DOP1A: variants seen among roughly 807,000 people sequenced by gnomAD.
The protein encoded by DOP1A is protein DOP1A.
DOP1A carries 90 observed loss-of-function variants against 267.6 expected under a neutral mutation model. The observed-to-expected ratio is 0.34, with a 90% CI of 0.28 to 0.40. DOP1A has a LOEUF of 0.40. Among genes scored for constraint, DOP1A ranks in the 10% least tolerant of loss-of-function variants. The probability of loss-of-function intolerance (pLI) is 1.00; values close to 1 mark genes in which losing one functional copy is unlikely to be tolerated. For missense variants in DOP1A, 2,437 were observed against 2,900.4 expected, an observed-to-expected ratio of 0.84 and a Z score of 3.67; for synonymous variants, 932 against 999.1, an observed-to-expected ratio of 0.93 and a Z score of 1.27.
chr6:83,145,370 C>T (rs1162846489), intron 24 of DOP1A, among the ~76,000 whole-genome samples, 154 bp from the exon 25 acceptor site: 1 of 140,158 alleles, frequency 7.1e-6, no homozygotes, highest in African/African-American at 2.7e-5. Flanking sequence ...TCATTTTGAG[C>T]ACAGGAGTTT....
At chr6:83,141,052 G>A (rs1219818821) in intron 23 of DOP1A, among the ~76,000 whole-genome samples, 1 of 152,138 alleles carries the variant, frequency 6.6e-6, no homozygotes, top group East Asian at 1.9e-4. Flanking sequence ...GTTCATTATA[G>A]TATTATTTAA....
At chr6:83,090,299 A>C (rs1770101340) in intron 1 of DOP1A, among the ~76,000 whole-genome samples, 1 of 152,194 alleles carries the variant, frequency 6.6e-6, no homozygotes, top group Non-Finnish European at 1.5e-5. Flanking sequence ...GCCCAAGGTC[A>C]TACAGCTGCT....
chr6:83,091,788 A>T (rs1224442868), intron 1 of DOP1A, among the ~76,000 whole-genome samples: 2 of 152,186 alleles, frequency 1.3e-5, no homozygotes, highest in Non-Finnish European at 2.9e-5. Flanking sequence ...TTATTCTGGA[A>T]ATCTTGCTAA....
chr6:83,076,996 G>A (rs1468136741), intron 1 of DOP1A, among the ~76,000 whole-genome samples: 1 of 152,204 alleles, frequency 6.6e-6, no homozygotes, highest in African/African-American at 2.4e-5. Flanking sequence ...ACATTATGCT[G>A]AGTGAAATAA....
intron 1 of DOP1A, among the ~76,000 whole-genome samples, chr6:83,091,804 G>GA (rs928121458): frequency 1.7e-4 from 26 of 151,838 alleles, no homozygotes; most frequent in Admixed American, 3.3e-4. Flanking sequence ...GCTAAGGAAG[G>GA]AAAAAAAATG....
At chr6:83,160,128 T>G (rs935652044) in intron 37 of DOP1A, among the ~76,000 whole-genome samples, 168 bp downstream of exon 37, 1 of 152,226 alleles carries the variant, frequency 6.6e-6, no homozygotes, top group Non-Finnish European at 1.5e-5. Context: ...AAATGGTCAA[T>G]GTGGATATAT....
chr6:83,098,957 G>T (rs527465069), intron 3 of DOP1A, among the ~76,000 whole-genome samples: 3 of 152,230 alleles, frequency 2.0e-5, no homozygotes, highest in African/African-American at 7.2e-5. Flanking sequence ...CTGAAATAGG[G>T]GTCTTTGACC....
At chr6:83,079,470 G>A (rs1582852587) in intron 1 of DOP1A, among the ~76,000 whole-genome samples, 1 of 152,110 alleles carries the variant, frequency 6.6e-6, no homozygotes, top group East Asian at 1.9e-4. Flanking sequence ...GAACACACTA[G>A]GAAGTATAGA....
At chr6:83,072,977 C>A in intron 1 of DOP1A, 1 of 375,820 alleles carries the variant, frequency 2.7e-6, no homozygotes, top group Non-Finnish European at 5.3e-6. Flanking sequence ...GAACATAGTA[C>A]AGTACTTGCT....
chr6:83,094,755 GT>G (rs1410812517), intron 1 of DOP1A, among the ~76,000 whole-genome samples: 1 of 152,016 alleles, frequency 6.6e-6, no homozygotes, highest in Non-Finnish European at 1.5e-5. Context: ...GCTTGGAAGA[GT>G]TTTTTATTAT....
At chr6:83,149,622 C>T (rs141257196) in intron 27 of DOP1A, among the ~76,000 whole-genome samples, 2,765 of 151,942 alleles carry the variant, frequency 0.018, 48 homozygotes, top group Admixed American at 0.06. Context: ...GGAGTGGGAG[C>T]GGTTGCAGGT....
At position 83,130,349 on chromosome 6, in the gene DOP1A, C is replaced by T; in HGVS notation, c.2568C>T (p.Leu856=). The T allele has an allele frequency of 1.9e-6, 3 of 1,614,060 alleles. No homozygotes were observed. Among genetic ancestry groups the T allele is most frequent in the Non-Finnish European group, 2.5e-6 (3 of 1,179,958 alleles). Residue 856 remains leucine (L), a synonymous_variant, in exon 17 of 39, where the codon CTC becomes CTT. Transcript: ENST00000349129. ...GRVAVVIRPP[L]TQGNLRYIAE... ...TAGCTGTGGTTATTAGACCTCCCCT[C>T]ACTCAGGGCAATCTGAGGTACATAG...
intron 1 of DOP1A, among the ~76,000 whole-genome samples, chr6:83,076,560 A>C (rs924284026): frequency 6.6e-6 from 1 of 152,150 alleles, no homozygotes; most frequent in Admixed American, 6.5e-5. Context: ...ATACAAATCA[A>C]AACCACAAAG....
At position 83,134,232 on chromosome 6, in the gene DOP1A, C is replaced by T; in HGVS notation, c.2815C>T (p.Leu939=). 6.2e-7 allele frequency: 1 copy of T among 1,613,034 alleles called. No homozygotes were observed. The highest frequency in any genetic ancestry group is 8.5e-7 in the Non-Finnish European group (1 of 1,179,414). Residue 939 remains leucine, a synonymous_variant, in exon 19 of 39, where the codon CTA becomes TTA. Transcript: ENST00000349129. ...AHAKFAVLWH[L]TRDLHINKSS... ...TGCCAAGTTTGCAGTTCTTTGGCAT[C>T]TAACGAGAGATCTCCATATAAATAA...
intron 11 of DOP1A, among the ~76,000 whole-genome samples, chr6:83,122,279 A>C (rs561712190): frequency 6.6e-6 from 1 of 151,986 alleles, no homozygotes; most frequent in African/African-American, 2.4e-5. Flanking sequence ...GGAGGAGGAA[A>C]TAGGTAATAG....
intron 4 of DOP1A, among the ~76,000 whole-genome samples, chr6:83,103,073 T>A (rs1317136210): frequency 6.6e-6 from 1 of 152,228 alleles, no homozygotes; most frequent in Non-Finnish European, 1.5e-5. Flanking sequence ...TATTCTATTG[T>A]GATGTGTTTT....
intron 12 of DOP1A, 126 bp from the exon 13 acceptor site, chr6:83,124,579 C>G: frequency 2.7e-6 from 2 of 740,950 alleles, no homozygotes; most frequent in Non-Finnish European, 4.6e-6. Flanking sequence ...TAAAATATGT[C>G]ATCACAAAAA....
Position 83,125,497 on chromosome 6 carries a change from C to T in DOP1A, c.1486-3C>T, listed in dbSNP as rs1777026925. On this transcript the variant is annotated splice_region_variant and splice_polypyrimidine_tract_variant and intron_variant, in intron 14 of 38. Coordinates refer to ENST00000349129, the MANE Select transcript of DOP1A (RefSeq NM_015018.4). ...ACTTTTTTCATTTCACTTTTATTTT[C>T]AGGAGACTTACATTGAAATCCAGAC... The T allele has an allele frequency of 1.2e-6, 2 of 1,611,012 alleles. No individual in the cohort carries two copies. Among genetic ancestry groups the T allele is most frequent in the East Asian group, 2.2e-5 (1 of 44,836 alleles).
At chr6:83,074,742 C>T (rs1766749038) in intron 1 of DOP1A, among the ~76,000 whole-genome samples, 1 of 152,210 alleles carries the variant, frequency 6.6e-6, no homozygotes, top group African/African-American at 2.4e-5. Flanking sequence ...CGTGAATGTA[C>T]TTAACACTAC....
Sources: allele counts gnomAD v4.1 joint callset (sites outside exome capture counted in the v4.1 genomes callset), GRCh38; gene constraint gnomAD v4.1.1; transcripts MANE v1.5; gene names NCBI Gene and HGNC (gene_info 2026-07-23, HGNC 2026-07-21).